ANKUB1: variants seen among roughly 807,000 people sequenced by gnomAD.
ANKUB1 encodes the protein protein ANKUB1.
In ANKUB1, 42 loss-of-function variants were observed where a neutral mutation model predicts 49.3. The observed-to-expected ratio is 0.85, with a 90% CI of 0.67 to 1.10. ANKUB1 has a LOEUF of 1.10. ANKUB1 is among the 50% of genes least tolerant of loss of function. ANKUB1 has a pLI of 0.00. For synonymous variants in ANKUB1, 222 were observed against 231.0 expected (o/e 0.96, Z 0.35); for missense variants, 613 against 642.0 (o/e 0.95, Z 0.49).
intron 1 of ANKUB1, among the ~76,000 whole-genome samples, chr3:149,791,539 G>A (rs1718360974): frequency 6.6e-6 from 1 of 152,104 alleles, no homozygotes; most frequent in Non-Finnish European, 1.5e-5. Flanking sequence ...TAGAGGTTAA[G>A]ATCCCTTGTG....
At chr3:149,781,097 A>T (rs1466046522) in intron 2 of ANKUB1, among the ~76,000 whole-genome samples, 1 of 148,166 alleles carries the variant, frequency 6.7e-6, no homozygotes, top group African/African-American at 2.5e-5. Flanking sequence ...TAGTGTTGGG[A>T]TTACAGGCGC....
Position 149,778,460 on chromosome 3 carries a change from C to T in ANKUB1, c.451+1779G>A, listed in dbSNP as rs898242281. 7 of 152,186 alleles carry T rather than the reference C, an allele frequency of 4.6e-5. No individual in the cohort carries two copies. The East Asian group carries it at 1.2e-3, about 25-fold the overall frequency. The allele number at this position is 152,186 out of a possible 1,614,324, so 9.4% of individuals were successfully genotyped here. On this transcript the variant is annotated intron_variant, in intron 3 of 5. Coordinates refer to ENST00000446160, the MANE Select transcript of ANKUB1 (RefSeq NM_001144960.3). Reference sequence around the variant, plus strand: ...ATTCAAATTATCTTCCAGCTTAAAACGTCACATTATAATCTGAACAGTATA... The same window carrying T: ...ATTCAAATTATCTTCCAGCTTAAAATGTCACATTATAATCTGAACAGTATA...
chr3:149,780,542 G>A, intron 2 of ANKUB1, 87 bp from the exon 3 acceptor site: 1 of 946,090 alleles, frequency 1.1e-6, no homozygotes, highest in Non-Finnish European at 1.6e-6. Flanking sequence ...AGCACCTCTA[G>A]CTCCACGACA....
chr3:149,770,648 C>G lies in ANKUB1; in HGVS notation c.478G>C (p.Asp160His). The G allele has an allele frequency of 6.5e-7, 1 of 1,549,846 alleles. No individual in the cohort carries two copies. The highest frequency in any genetic ancestry group is 1.2e-5 in the South Asian group (1 of 83,530). The change falls in exon 4 of 6, where the codon GAT becomes CAT. Residue 160 changes from aspartate (D) to histidine (H), a missense_variant. By Grantham distance (81) the Asp-to-His change is moderately conservative (BLOSUM62 -1). Coordinates refer to ENST00000446160, the MANE Select transcript of ANKUB1 (RefSeq NM_001144960.3). The stretch of plus-strand genomic sequence containing the variant: ...CCCATCAGAAATTCCTTCCATCCAT[C>G]CCAGACATCCAAGCGAAGTGTTGTG... ...IGTTLRLDVW[D>H]GWKEFLMGCL... is the part of the protein sequence containing the mutation.
At chr3:149,775,579 G>A (rs1005419359) in intron 3 of ANKUB1, among the ~76,000 whole-genome samples, 3 of 152,060 alleles carry the variant, frequency 2.0e-5, no homozygotes, top group Non-Finnish European at 4.4e-5. Context: ...ACACAACCCT[G>A]CTCCTGGAAT....
chr3:149,765,578 CAG>C (rs1174801624), intron 5 of ANKUB1, among the ~76,000 whole-genome samples: 9 of 151,974 alleles, frequency 5.9e-5, no homozygotes, highest in Non-Finnish European at 1.0e-4. Context: ...ACCTTAAAAA[CAG>C]ATGCTTTTTC....
intron 3 of ANKUB1, among the ~76,000 whole-genome samples, chr3:149,778,203 T>C (rs1368176282): frequency 1.3e-5 from 2 of 152,200 alleles, no homozygotes; most frequent in African/African-American, 4.8e-5. Flanking sequence ...GAGGTTCTTC[T>C]TTCCTTGCCT....
chr3:149,764,127 C>A (rs10513358), intron 5 of ANKUB1: 4 of 429,758 alleles, frequency 9.3e-6, no homozygotes, highest in East Asian at 1.4e-4. Flanking sequence ...ATCAAGATAG[C>A]GTCCATCCAT....
chr3:149,788,499 G>A (rs1203229919), intron 2 of ANKUB1, among the ~76,000 whole-genome samples: 2 of 151,556 alleles, frequency 1.3e-5, no homozygotes, highest in East Asian at 3.9e-4. Context: ...CACCACACCC[G>A]GAAAATTTTT....
At chr3:149,788,332 C>T (rs1240940957) in intron 2 of ANKUB1, among the ~76,000 whole-genome samples, 1 of 151,930 alleles carries the variant, frequency 6.6e-6, no homozygotes, top group Non-Finnish European at 1.5e-5. Context: ...TTTAATTAAA[C>T]TCTGTGTGTT....
chr3:149,764,215 C>G (rs2108260837), intron 5 of ANKUB1, among the ~76,000 whole-genome samples: 1 of 152,264 alleles, frequency 6.6e-6, no homozygotes, highest in South Asian at 2.1e-4. Flanking sequence ...GACTGCCTGC[C>G]TTGACTGTCT....
chr3:149,786,226 G>A (rs1217728636), intron 2 of ANKUB1, among the ~76,000 whole-genome samples: 2 of 152,064 alleles, frequency 1.3e-5, no homozygotes, highest in African/African-American at 2.4e-5. Flanking sequence ...TAGTAGAAAC[G>A]GGGTTTCACT....
chr3:149,781,600 C>A (rs544617108), intron 2 of ANKUB1, among the ~76,000 whole-genome samples: 1 of 152,268 alleles, frequency 6.6e-6, no homozygotes, highest in Admixed American at 6.5e-5. Flanking sequence ...TTGTTTCCTT[C>A]CTCTATTTCT....
At chr3:149,778,476 G>A (rs1173460886) in intron 3 of ANKUB1, 1 of 152,124 alleles carries the variant, frequency 6.6e-6, no homozygotes, top group Non-Finnish European at 1.5e-5. Flanking sequence ...ATTATAATCT[G>A]AACAGTATAA....
chr3:149,787,938 T>G (rs938196581), intron 2 of ANKUB1, among the ~76,000 whole-genome samples: 1 of 152,224 alleles, frequency 6.6e-6, no homozygotes, highest in Non-Finnish European at 1.5e-5. Context: ...TTGCCAAGTT[T>G]TTGAACTTTA....
intron 5 of ANKUB1, among the ~76,000 whole-genome samples, chr3:149,762,170 C>A (rs897943878): frequency 6.6e-6 from 1 of 152,112 alleles, no homozygotes; most frequent in Admixed American, 6.5e-5. Flanking sequence ...TGTTGGGGTC[C>A]TCCAAGATTC....
At chr3:149,790,390 A>G (rs1559872937) in intron 2 of ANKUB1, among the ~76,000 whole-genome samples, 1 of 152,162 alleles carries the variant, frequency 6.6e-6, no homozygotes, top group Non-Finnish European at 1.5e-5. Flanking sequence ...ATTGTTACTG[A>G]GAATTTCTTC....
At position 149,761,544 on chromosome 3, in the gene ANKUB1, A is replaced by G; in HGVS notation, c.1575T>C (p.Ser525=). Residue 525 remains serine (S), a synonymous_variant, in exon 6 of 6, where the codon TCT becomes TCC. Coordinates refer to ENST00000446160, the MANE Select transcript of ANKUB1 (RefSeq NM_001144960.3). ...TCAGACCTCCTCGGGTAGTCAAGTT[A>G]GAAATGCTCTTTTTGGCCAGGACTC... ...IARVLAKKSI[S]NLTTRGGLTA... 1 of 1,551,498 alleles carries G rather than the reference A, an allele frequency of 6.4e-7. No homozygotes were observed.
intron 2 of ANKUB1, among the ~76,000 whole-genome samples, chr3:149,786,547 T>C (rs1486002660): frequency 2.0e-5 from 3 of 152,260 alleles, no homozygotes; most frequent in Non-Finnish European, 4.4e-5. Context: ...TTCACTCTGA[T>C]GGTAGTTTCT....
Sources: allele counts gnomAD v4.1 joint callset (sites outside exome capture counted in the v4.1 genomes callset), GRCh38; gene constraint gnomAD v4.1.1; transcripts MANE v1.5; gene names NCBI Gene and HGNC (gene_info 2026-07-23, HGNC 2026-07-21).